The following OLFM3 variants were observed in gnomAD, a reference collection of about 807,000 sequenced individuals.
The protein encoded by OLFM3 is olfactomedin 3, also known as noelin-3.
A neutral mutation model predicts 48.6 loss-of-function variants in OLFM3; 20 were observed. The observed-to-expected ratio is 0.41, with a 90% confidence interval of 0.29 to 0.60. The LOEUF (loss-of-function observed/expected upper bound fraction) is 0.60, where lower values mean the gene tolerates loss of function less well. OLFM3 is among the 20% of genes least tolerant of loss of function. OLFM3 has a pLI of 0.28. For synonymous variants in OLFM3, 222 were observed against 198.1 expected, an observed-to-expected ratio of 1.12 and a Z score of -1.01; for missense variants, 437 against 544.3, an observed-to-expected ratio of 0.80 and a Z score of 1.96.
intron 1 of OLFM3, among the ~76,000 whole-genome samples, chr1:101,930,585 C>T (rs1405878997): frequency 6.6e-6 from 1 of 152,004 alleles, no homozygotes; most frequent in Non-Finnish European, 1.5e-5. Flanking sequence ...TAACTGTTTG[C>T]CTGGTTCTAT....
intron 1 of OLFM3, among the ~76,000 whole-genome samples, chr1:101,925,759 G>C (rs988247822): frequency 1.3e-5 from 2 of 151,628 alleles, no homozygotes; most frequent in Non-Finnish European, 2.9e-5. Context: ...CAAACTCCTC[G>C]GTTCAAGGCA....
chr1:101,833,841 A>C (rs6657276), intron 2 of OLFM3, among the ~76,000 whole-genome samples: 25,064 of 152,164 alleles, frequency 0.16, 2,283 homozygotes, highest in South Asian at 0.21. Flanking sequence ...TTTAGTAGTA[A>C]ACTGTGTATT....
intron 2 of OLFM3, among the ~76,000 whole-genome samples, chr1:101,834,992 AT>A (rs1350654979): frequency 6.6e-6 from 1 of 152,094 alleles, no homozygotes; most frequent in Non-Finnish European, 1.5e-5. Context: ...CTTTATTTTA[AT>A]TTTTTCAACT....
Position 101,883,535 on chromosome 1 carries a change from G to A in OLFM3, c.70-46510C>T, listed in dbSNP as rs192431719. Among the ~76,000 whole-genome samples the A allele has an allele frequency of 1.8e-4, 28 of 151,870 alleles. No homozygotes were observed. In the East Asian group the frequency reaches 5.3e-3, roughly 29 times the overall value. On this transcript the variant is annotated intron_variant, in intron 1 of 5. Coordinates refer to ENST00000370103, the MANE Select transcript of OLFM3 (RefSeq NM_058170.4). The stretch of plus-strand genomic sequence containing the variant: ...GAATCCGTTCCTTCCTTACCAATGT[G>A]TGTCTGTGACATACCCTTAATGTCC...
intron 1 of OLFM3, among the ~76,000 whole-genome samples, chr1:101,886,376 G>C (rs1310122513): frequency 6.6e-6 from 1 of 152,100 alleles, no homozygotes; most frequent in East Asian, 1.9e-4. Context: ...ATTATGCAAT[G>C]ATACATAAAA....
chr1:101,825,641 A>C (rs1654825860), intron 3 of OLFM3, among the ~76,000 whole-genome samples: 2 of 152,222 alleles, frequency 1.3e-5, no homozygotes, highest in Admixed American at 6.5e-5. Flanking sequence ...AGTTTGAATA[A>C]AGTGATTGAA....
At chr1:101,953,775 A>T (rs919811702) in intron 1 of OLFM3, among the ~76,000 whole-genome samples, 1 of 152,142 alleles carries the variant, frequency 6.6e-6, no homozygotes, top group South Asian at 2.1e-4. Context: ...GTAGAACAGG[A>T]TGCTGGGCCC....
At chr1:101,847,018 G>C (rs755945148) in intron 1 of OLFM3, 1 of 1,566,618 alleles carries the variant, frequency 6.4e-7, no homozygotes, top group Non-Finnish European at 8.7e-7. Context: ...TTAAGATCCC[G>C]GTGCCGGGCT....
intron 1 of OLFM3, among the ~76,000 whole-genome samples, chr1:101,985,298 A>G (rs1326568262): frequency 1.3e-5 from 2 of 152,230 alleles, no homozygotes; most frequent in African/African-American, 4.8e-5. Context: ...CCGTTTGGTC[A>G]TGTAAGTTAA....
chr1:101,845,254 C>T (rs1208226638), intron 1 of OLFM3, among the ~76,000 whole-genome samples: 2 of 151,970 alleles, frequency 1.3e-5, no homozygotes, highest in Non-Finnish European at 2.9e-5. Flanking sequence ...TACAGACATA[C>T]AGCAATGCTT....
At chr1:101,887,140 G>A (rs1354192812) in intron 1 of OLFM3, among the ~76,000 whole-genome samples, 1 of 151,288 alleles carries the variant, frequency 6.6e-6, no homozygotes, top group East Asian at 1.9e-4. Flanking sequence ...TGAAATATTT[G>A]TATAACCTCC....
At chr1:101,903,152 G>GT in intron 1 of OLFM3, among the ~76,000 whole-genome samples, 1 of 152,158 alleles carries the variant, frequency 6.6e-6, no homozygotes, top group East Asian at 1.9e-4. Flanking sequence ...AAATTTCAAG[G>GT]TGAGAGTTGT....
chr1:101,924,482 T>G (rs144230897), intron 1 of OLFM3, among the ~76,000 whole-genome samples: 1 of 152,204 alleles, frequency 6.6e-6, no homozygotes, highest in Non-Finnish European at 1.5e-5. Context: ...CTATCACTAC[T>G]AAAGTTTGAA....
chr1:101,909,950 A>G (rs1001968036), intron 1 of OLFM3: 2 of 985,154 alleles, frequency 2.0e-6, no homozygotes, highest in South Asian at 4.7e-5. Context: ...AGACTCATCC[A>G]ATAATCTTCA....
intron 1 of OLFM3, among the ~76,000 whole-genome samples, chr1:101,855,731 T>C (rs1453761449): frequency 6.6e-6 from 1 of 152,096 alleles, no homozygotes; most frequent in Non-Finnish European, 1.5e-5. Context: ...TTTCAGACTT[T>C]TCTAATTCAC....
At chr1:101,881,512 AAT>A (rs1557714343) in intron 1 of OLFM3, among the ~76,000 whole-genome samples, 1 of 151,922 alleles carries the variant, frequency 6.6e-6, no homozygotes, top group Non-Finnish European at 1.5e-5. Flanking sequence ...CCTGCCGTAT[AAT>A]AATAAGACTC....
intron 1 of OLFM3, among the ~76,000 whole-genome samples, chr1:101,917,904 G>C (rs1658975790): frequency 6.6e-6 from 1 of 152,020 alleles, no homozygotes; most frequent in Non-Finnish European, 1.5e-5. Flanking sequence ...ATTCTCCTGA[G>C]CAGAAAAGAG....
chr1:101,969,032 G>C (rs1660701881), intron 1 of OLFM3, among the ~76,000 whole-genome samples: 1 of 152,150 alleles, frequency 6.6e-6, no homozygotes, highest in African/African-American at 2.4e-5. Context: ...ATTTTCAGTT[G>C]CTTTCCTGGT....
chr1:101,986,746 T>G (rs1454034497), intron 1 of OLFM3, among the ~76,000 whole-genome samples: 1 of 152,102 alleles, frequency 6.6e-6, no homozygotes, highest in Non-Finnish European at 1.5e-5. Context: ...TTCTTCTATT[T>G]ATTCTTTCTA....
Sources: allele counts gnomAD v4.1 joint callset (sites outside exome capture counted in the v4.1 genomes callset), GRCh38; gene constraint gnomAD v4.1.1; transcripts MANE v1.5; gene names NCBI Gene and HGNC (gene_info 2026-07-23, HGNC 2026-07-21).